The following LAMTOR5 variants were observed in gnomAD, a reference collection of about 807,000 sequenced individuals.
LAMTOR5 encodes the protein ragulator complex protein LAMTOR5.
Under a neutral mutation model 12.1 loss-of-function variants are expected in LAMTOR5, and 8 were observed. The ratio of observed to expected loss-of-function variants is 0.66; its 90% CI spans 0.39 to 1.19. The LOEUF (loss-of-function observed/expected upper bound fraction) is 1.19, where lower values mean the gene tolerates loss of function less well. LAMTOR5 is among the 50% of genes most tolerant of loss of function. The pLI is 0.01. For synonymous variants in LAMTOR5, 37 were observed against 41.9 expected (o/e 0.88, Z 0.45); for missense variants, 110 against 112.8 (o/e 0.97, Z 0.11).
intron 2 of LAMTOR5, among the ~76,000 whole-genome samples, chr1:110,405,668 G>C (rs1663312841): frequency 6.6e-6 from 1 of 151,940 alleles, no homozygotes; most frequent in African/African-American, 2.4e-5. Flanking sequence ...GTTGTTATGA[G>C]GAATAAAAGA....
intron 2 of LAMTOR5, among the ~76,000 whole-genome samples, chr1:110,404,374 G>A (rs867758542): frequency 3.3e-5 from 5 of 152,230 alleles, no homozygotes; most frequent in African/African-American, 7.2e-5. Context: ...ATCCGATGCC[G>A]ACGTTTGAGC....
chr1:110,403,279 A>G (rs1185975379), intron 3 of LAMTOR5, among the ~76,000 whole-genome samples: 2 of 152,144 alleles, frequency 1.3e-5, no homozygotes, highest in Non-Finnish European at 2.9e-5. Context: ...TCTGAGGACC[A>G]TCACTTGGAA....
chr1:110,402,719 G>T (rs1028628487), intron 3 of LAMTOR5, among the ~76,000 whole-genome samples: 3 of 152,154 alleles, frequency 2.0e-5, no homozygotes, highest in African/African-American at 7.2e-5. Context: ...GAGAAGATGT[G>T]GAGATAGAAG....
intron 3 of LAMTOR5, chr1:110,403,663 G>T: frequency 2.7e-6 from 1 of 367,814 alleles, no homozygotes; most frequent in Non-Finnish European, 4.8e-6. Context: ...GTTTTCCTTT[G>T]TGCTATTTGT....
chr1:110,404,045 T>A lies in LAMTOR5; in HGVS notation c.98-9A>T, dbSNP rs778243046. On this transcript the variant is annotated splice_polypyrimidine_tract_variant and intron_variant, in intron 2 of 3. Coordinates refer to ENST00000602318, the MANE Select transcript of LAMTOR5 (RefSeq NM_001382293.1). The stretch of plus-strand genomic sequence containing the variant: ...TGACAGGGTCCCGCGGCCTGGAAAA[T>A]AGAGATGATATATGTCACCTGATTG... 6.2e-7 allele frequency: 1 copy of A among 1,613,096 alleles called. No homozygotes were observed. Among genetic ancestry groups the A allele is most frequent in the South Asian group, 1.1e-5 (1 of 90,822 alleles).
intron 2 of LAMTOR5, among the ~76,000 whole-genome samples, chr1:110,405,464 CTCTT>C (rs1663309583): frequency 6.6e-6 from 1 of 152,056 alleles, no homozygotes; most frequent in Non-Finnish European, 1.5e-5. Context: ...CGCATCCGGC[CTCTT>C]TTTTTAAATT....
Position 110,407,663 on chromosome 1 carries a change from A to C in LAMTOR5, c.-43T>G, listed in dbSNP as rs1161070317. The C allele has an allele frequency of 6.8e-6, 11 of 1,614,042 alleles. No individual in the cohort carries two copies. Among genetic ancestry groups the C allele is most frequent in the Non-Finnish European group, 9.3e-6 (11 of 1,180,036 alleles). ...CCGGCTCAGAACCCAGCGGCACGGC[A>C]CGTCCTTCTCCACCACAGGCCTCAG... On this transcript the variant is annotated 5_prime_UTR_variant, in exon 1 of 4. Coordinates refer to ENST00000602318, the MANE Select transcript of LAMTOR5 (RefSeq NM_001382293.1).
At chr1:110,404,717 TC>T (rs1663292634) in intron 2 of LAMTOR5, among the ~76,000 whole-genome samples, 1 of 152,204 alleles carries the variant, frequency 6.6e-6, no homozygotes, top group Non-Finnish European at 1.5e-5. Context: ...ATGTCTCAGT[TC>T]TATGTAAGCA....
At chr1:110,402,123 T>C (rs930402441) in intron 3 of LAMTOR5, among the ~76,000 whole-genome samples, 1 of 151,536 alleles carries the variant, frequency 6.6e-6, no homozygotes, top group Admixed American at 6.6e-5. Flanking sequence ...ACTACTCACA[T>C]GTTTGTGGTA....
chr1:110,407,458 C>G (rs1369667469), intron 1 of LAMTOR5, 128 bp downstream of exon 1: 5 of 1,218,896 alleles, frequency 4.1e-6, no homozygotes, highest in Non-Finnish European at 5.6e-6. Flanking sequence ...GCCCCCTCAT[C>G]CCGTGTCCCG....
intron 3 of LAMTOR5, 80 bp from the exon 4 acceptor site, chr1:110,401,663 G>C: frequency 7.1e-7 from 1 of 1,414,590 alleles, no homozygotes; most frequent in South Asian, 1.3e-5. Context: ...GTTTGCTTTA[G>C]GATACAATAT....
intron 3 of LAMTOR5, 51 bp downstream of exon 3, chr1:110,403,868 A>G (rs1340817954): frequency 6.2e-7 from 1 of 1,603,612 alleles, no homozygotes; most frequent in East Asian, 2.2e-5. Flanking sequence ...CGCCAATTTT[A>G]CCAGGAATTT....
At position 110,401,558 on chromosome 1, in the gene LAMTOR5, C is replaced by T; in HGVS notation, c.241G>A (p.Gly81Ser). ...ATTTTGTGCACTGCCACCGTGATGC[C>T]ATCGTGTTTCTGGATCATAATGTTC... Reference protein sequence around the residue: ...NGNIMIQKHDGITVAVHKMAS With the variant: ...NGNIMIQKHDSITVAVHKMAS Residue 81 changes from glycine (G) to serine (S), a missense_variant, in exon 4 of 4, where the codon GGC becomes AGC. Transcript: ENST00000602318. The T allele has an allele frequency of 6.2e-7, 1 of 1,607,030 alleles. No individual in the cohort carries two copies. Among genetic ancestry groups the T allele is most frequent in the Non-Finnish European group, 8.5e-7 (1 of 1,174,272 alleles).
intron 1 of LAMTOR5, chr1:110,406,771 C>T: frequency 2.8e-6 from 1 of 361,002 alleles, no homozygotes. Flanking sequence ...TTGCAGTGAG[C>T]CGAGATCACG....
rs140673610 is a variant in LAMTOR5, at chr1:110,406,957, G to A, written c.36-578C>T. 4.9e-5 allele frequency: 31 copies of A among 628,046 alleles called. No individual in the cohort carries two copies. The East Asian group carries it at 7.9e-4, about 16-fold the overall frequency. The allele number at this position is 628,046 out of a possible 1,614,324, so 38.9% of individuals were successfully genotyped here. A position where few individuals can be genotyped will look rare whatever the true frequency, so the allele number is the denominator to read the frequency against. On this transcript the variant is annotated intron_variant, in intron 1 of 3. Coordinates refer to ENST00000602318, the MANE Select transcript of LAMTOR5 (RefSeq NM_001382293.1). ...CAAACACTGCGTGAAAAACATCTAG[G>A]ATGTTTTCACTCTTGTTAAAAACGC...
At chr1:110,407,317 TCAA>T in intron 1 of LAMTOR5, 4 of 589,418 alleles carry the variant, frequency 6.8e-6, no homozygotes, top group Non-Finnish European at 1.2e-5. Context: ...AAAGACGATT[TCAA>T]CAACGAGATA....
At chr1:110,404,608 C>T (rs1663291445) in intron 2 of LAMTOR5, among the ~76,000 whole-genome samples, 1 of 152,202 alleles carries the variant, frequency 6.6e-6, no homozygotes, top group African/African-American at 2.4e-5. Flanking sequence ...AGCAACAAGT[C>T]TTGGGTTTAC....
At chr1:110,405,047 C>CAAA (rs34710454) in intron 2 of LAMTOR5, among the ~76,000 whole-genome samples, 1 of 61,360 alleles carries the variant, frequency 1.6e-5, no homozygotes, top group East Asian at 3.6e-4. Context: ...GATTTCGTCT[C>CAAA]AAAAAAAAAA....
At chr1:110,403,786 G>C in intron 3 of LAMTOR5, 133 bp downstream of exon 3, 2 of 1,385,112 alleles carry the variant, frequency 1.4e-6, no homozygotes, top group Non-Finnish European at 1.9e-6. Context: ...CTGTTCCTGT[G>C]ATTCAAAAGA....
Sources: gnomAD v4.1 joint callset for allele counts (sites outside exome capture counted in the v4.1 genomes callset) on GRCh38, gnomAD v4.1.1 for gene constraint, MANE v1.5 for transcripts, NCBI Gene and HGNC (gene_info 2026-07-23, HGNC 2026-07-21) for gene names.